RTCB: variants seen among roughly 807,000 people sequenced by gnomAD.
RTCB encodes RNA-splicing ligase RTCB.
A neutral mutation model predicts 58.2 loss-of-function variants in RTCB; 32 were observed. That is an observed-to-expected ratio of 0.55 (90% CI 0.41 to 0.74). The LOEUF (loss-of-function observed/expected upper bound fraction) is 0.74. RTCB is among the 30% of genes least tolerant of loss of function. The pLI is 0.00. For synonymous variants in RTCB, 247 were observed against 218.6 expected, an observed-to-expected ratio of 1.13 and a Z score of -1.15; for missense variants, 523 against 639.0, an observed-to-expected ratio of 0.82 and a Z score of 1.96.
chr22:32,391,668 G>C (rs1933156682), intron 11 of RTCB, among the ~76,000 whole-genome samples: 1 of 152,138 alleles, frequency 6.6e-6, no homozygotes, highest in Non-Finnish European at 1.5e-5. Flanking sequence ...TGTGATTACA[G>C]GCGTGAGCCA....
intron 6 of RTCB, among the ~76,000 whole-genome samples, chr22:32,399,239 C>T (rs902867641): frequency 6.6e-6 from 1 of 152,074 alleles, no homozygotes; most frequent in Non-Finnish European, 1.5e-5. Flanking sequence ...TAGGCTCAAG[C>T]AGTCCTCCTG....
intron 10 of RTCB, chr22:32,392,580 G>A: frequency 2.9e-6 from 2 of 681,886 alleles, no homozygotes; most frequent in Non-Finnish European, 5.3e-6. Flanking sequence ...GCAGCGCAGT[G>A]TATTCAGCAG....
chr22:32,394,450 T>C (rs1378606195), intron 9 of RTCB, among the ~76,000 whole-genome samples: 1 of 152,100 alleles, frequency 6.6e-6, no homozygotes, highest in Non-Finnish European at 1.5e-5. Context: ...TAGTAAACTA[T>C]ATTAAGATAG....
chr22:32,392,647 C>A, intron 10 of RTCB: 1 of 475,652 alleles, frequency 2.1e-6, no homozygotes, highest in Admixed American at 3.5e-5. Context: ...TAAACCATGA[C>A]AATAAAAAAA....
Position 32,395,947 on chromosome 22 carries a change from C to A in RTCB, c.990+127G>T, listed in dbSNP as rs969582114. The A allele has an allele frequency of 1.9e-5, 17 of 880,818 alleles. No individual in the cohort carries two copies. The Admixed American group carries it at 2.5e-4, about 13-fold the overall frequency. The allele number at this position is 880,818 out of a possible 1,614,324, so 54.6% of individuals were successfully genotyped here. A position where few individuals can be genotyped will look rare whatever the true frequency, so the allele number is the denominator to read the frequency against. ...ATCTCCTAACCTTGTGATCCGCCCC[C>A]CCTCGGCCTCCCAAAGTGTTGGGAT... is the stretch of plus-strand genomic sequence containing the variant. On this transcript the variant is annotated intron_variant, in intron 8 of 11. Coordinates refer to ENST00000216038, the MANE Select transcript of RTCB (RefSeq NM_014306.5).
chr22:32,389,770 C>G lies in RTCB; in HGVS notation c.1411-1671G>C, dbSNP rs143716458. ...GCATCATTAATTTCTCTTGTAGATT[C>G]TTCTCATCAACATGCAAACACATTT... On this transcript the variant is annotated intron_variant, in intron 11 of 11. Coordinates refer to ENST00000216038, the MANE Select transcript of RTCB (RefSeq NM_014306.5). Among the ~76,000 whole-genome samples, 7 of 152,336 alleles carry G rather than the reference C, an allele frequency of 4.6e-5. No individual in the cohort carries two copies. In the East Asian group the frequency reaches 1.3e-3, roughly 29 times the overall value.
chr22:32,395,058 G>C lies in RTCB; in HGVS notation c.1147C>G (p.Pro383Ala). The C allele has an allele frequency of 6.2e-7, 1 of 1,614,150 alleles. No individual in the cohort carries two copies. Among genetic ancestry groups the C allele is most frequent in the Admixed American group, 1.7e-5 (1 of 60,024 alleles). The part of the protein sequence containing the change: ...HRKGSTRAFP[P>A]HHPLIAVDYQ... ...TCAACAGCAATGAGGGGATGGTGAG[G>C]AGGGAAAGCGCGGGTGGATCCCTTC... Residue 383 changes from proline (P) to alanine (A), a missense_variant, in exon 9 of 12, where the codon CCT becomes GCT. This residue lies in a region of RTCB where 248 missense variants were observed against 292.5 expected (regional missense o/e 0.85). Transcript: ENST00000216038.
chr22:32,390,986 G>A (rs1005166781), intron 11 of RTCB, among the ~76,000 whole-genome samples: 5 of 151,898 alleles, frequency 3.3e-5, no homozygotes, highest in Admixed American at 2.6e-4. Context: ...GAGTTGCTAG[G>A]ACTACACCTG....
intron 8 of RTCB, among the ~76,000 whole-genome samples, chr22:32,395,457 C>T (rs73881680): frequency 0.035 from 5,272 of 152,278 alleles, 290 homozygotes; most frequent in African/African-American, 0.12. Flanking sequence ...TTTGATCCCA[C>T]CTTTCAAAAT....
chr22:32,409,942 C>T (rs992874761), intron 1 of RTCB, among the ~76,000 whole-genome samples: 3 of 151,868 alleles, frequency 2.0e-5, no homozygotes, highest in South Asian at 4.2e-4. Flanking sequence ...CTCAGCCTCC[C>T]GAGTAGCTGG....
chr22:32,404,493 A>G (rs1298176939), intron 4 of RTCB, among the ~76,000 whole-genome samples: 1 of 152,132 alleles, frequency 6.6e-6, no homozygotes, highest in East Asian at 1.9e-4. Flanking sequence ...TGTAGCCTCA[A>G]CTTCCTGGGC....
rs868563718 is a variant in RTCB at position 32,398,170 on chromosome 22, A to G, written c.655-70T>C. On this transcript the variant is annotated intron_variant, in intron 6 of 11. Coordinates refer to ENST00000216038, the MANE Select transcript of RTCB (RefSeq NM_014306.5). The stretch of plus-strand genomic sequence containing the variant: ...TTTTTTTTAATCTATTTAAAAACCA[A>G]AAAGATAAAAACAAACTAACAACAA... The G allele has an allele frequency of 1.4e-5, 21 of 1,516,006 alleles. 1 individual carries two copies. In the Middle Eastern group the frequency reaches 3.0e-3, roughly 215 times the overall value. The allele number at this position is 1,516,006 out of a possible 1,614,324, so 93.9% of individuals were successfully genotyped here. A position where few individuals can be genotyped will look rare whatever the true frequency, so the allele number is the denominator to read the frequency against.
intron 4 of RTCB, 51 bp downstream of exon 4, chr22:32,406,611 G>T: frequency 7.6e-7 from 1 of 1,315,644 alleles, no homozygotes; most frequent in Non-Finnish European, 1.1e-6. Context: ...GTGAGCCACC[G>T]TGCCCGGCCA....
intron 10 of RTCB, 34 bp downstream of exon 10, chr22:32,393,858 A>G (rs1207384394): frequency 2.1e-6 from 3 of 1,405,468 alleles, no homozygotes; most frequent in Non-Finnish European, 3.0e-6. Context: ...TAAACTGAAG[A>G]GAGCATTTCT....
At chr22:32,404,872 G>C (rs188790724) in intron 4 of RTCB, among the ~76,000 whole-genome samples, 12 of 151,060 alleles carry the variant, frequency 7.9e-5, no homozygotes, top group Admixed American at 3.9e-4. Flanking sequence ...TTTTTTTAGA[G>C]ACGGGGTTTT....
rs980450229 is a variant in RTCB, at chr22:32,412,185, G to A, written c.-29C>T. On this transcript the variant is annotated 5_prime_UTR_variant, in exon 1 of 12. Transcript: ENST00000216038. ...GGCGAAAACTGTAGCAAAAACTCCCGGCTCCGCTTTGAAGAGCCGCTGCCG... is the reference window on the plus strand; with the variant it reads ...GGCGAAAACTGTAGCAAAAACTCCCAGCTCCGCTTTGAAGAGCCGCTGCCG... 3 of 1,555,852 alleles carry A rather than the reference G, an allele frequency of 1.9e-6. No homozygotes were observed. The highest frequency in any genetic ancestry group is 2.3e-5 in the South Asian group (2 of 85,848).
At chr22:32,406,795 C>T (rs1271227707) in intron 3 of RTCB, 34 bp from the exon 4 acceptor site, 2 of 1,447,442 alleles carry the variant, frequency 1.4e-6, no homozygotes, top group South Asian at 2.3e-5. Context: ...ATACAAGTGT[C>T]TTGACCTGCT....
intron 7 of RTCB, among the ~76,000 whole-genome samples, chr22:32,397,561 GTATATGATACAT>G (rs796230693): frequency 2.4e-4 from 36 of 152,270 alleles, no homozygotes; most frequent in African/African-American, 8.4e-4. Context: ...TGCAGAGCAG[GTATATGATACAT>G]AATCTGCCAA....
intron 11 of RTCB, 119 bp from the exon 12 acceptor site, chr22:32,388,218 G>T: frequency 1.6e-6 from 1 of 617,414 alleles, no homozygotes. Flanking sequence ...GTTTTTTTTT[G>T]CCTATGAAAT....
Sources: allele counts gnomAD v4.1 joint callset (sites outside exome capture counted in the v4.1 genomes callset), GRCh38; gene constraint gnomAD v4.1.1; regional missense constraint gnomAD v4.1.1; transcripts MANE v1.5; gene names NCBI Gene and HGNC (gene_info 2026-07-23, HGNC 2026-07-21).